Variants in NAALADL2 observed in about 807,000 individuals in gnomAD.
The protein encoded by NAALADL2 is inactive N-acetylated-alpha-linked acidic dipeptidase-like protein 2.
Under a neutral mutation model 87.2 loss-of-function variants are expected in NAALADL2, and 76 were observed. The observed-to-expected ratio is 0.87, with a 90% CI of 0.72 to 1.05. NAALADL2 has a LOEUF of 1.05. NAALADL2 is among the 50% of genes least tolerant of loss of function. NAALADL2 has a pLI of 0.00. For synonymous variants in NAALADL2, 354 were observed against 331.0 expected, an observed-to-expected ratio of 1.07 and a Z score of -0.75; for missense variants, 1,089 against 945.8, an observed-to-expected ratio of 1.15 and a Z score of -1.99.
intron 1 of NAALADL2, among the ~76,000 whole-genome samples, chr3:174,986,188 A>T (rs9862955): frequency 0.094 from 14,085 of 150,300 alleles, 1,539 homozygotes; most frequent in African/African-American, 0.26. Flanking sequence ...TTACATGTAG[A>T]TTACTATTAG....
chr3:174,638,253 CTAGTT>C (rs914205846), intron 2 of NAALADL2, among the ~76,000 whole-genome samples: 4 of 152,084 alleles, frequency 2.6e-5, no homozygotes, highest in Non-Finnish European at 5.9e-5. Flanking sequence ...TATGGAGAAT[CTAGTT>C]TATATAGGCT....
chr3:174,664,870 G>A (rs958752142), intron 2 of NAALADL2, among the ~76,000 whole-genome samples: 1 of 152,200 alleles, frequency 6.6e-6, no homozygotes, highest in Admixed American at 6.5e-5. Context: ...GAAGTTGCTT[G>A]ATAGATCACT....
intron 1 of NAALADL2, among the ~76,000 whole-genome samples, chr3:174,501,090 T>TACTAAGATAGTAGTAGG (rs1718852802): frequency 7.8e-5 from 11 of 141,320 alleles, no homozygotes; most frequent in African/African-American, 3.4e-4. Flanking sequence ...TTTTTTTTTT[T>TACTAAGATAGTAGTAGG]TTTTTTGAGA....
At chr3:175,441,601 C>T (rs1719772587) in intron 5 of NAALADL2, among the ~76,000 whole-genome samples, 1 of 151,782 alleles carries the variant, frequency 6.6e-6, no homozygotes, top group Non-Finnish European at 1.5e-5. Context: ...GCAGATGCTG[C>T]TTGTCTGAGG....
At chr3:174,455,687 G>A (rs4571249) in intron 1 of NAALADL2, among the ~76,000 whole-genome samples, 70,858 of 151,834 alleles carry the variant, frequency 0.47, 18,123 homozygotes, top group East Asian at 0.92. Flanking sequence ...CATGTTAAAA[G>A]CTCTCTATAA....
At chr3:175,275,986 A>G (rs1753535193) in intron 4 of NAALADL2, among the ~76,000 whole-genome samples, 1 of 151,692 alleles carries the variant, frequency 6.6e-6, no homozygotes, top group Admixed American at 6.6e-5. Flanking sequence ...AAATCATTTT[A>G]ATGTTTTTTC....
intron 9 of NAALADL2, among the ~76,000 whole-genome samples, chr3:175,562,148 T>C (rs1716375714): frequency 1.3e-5 from 2 of 152,116 alleles, no homozygotes; most frequent in African/African-American, 2.4e-5. Flanking sequence ...AAATCTGACT[T>C]TTTTGGACTC....
intron 2 of NAALADL2, among the ~76,000 whole-genome samples, chr3:174,576,921 A>G (rs1413706905): frequency 6.6e-6 from 1 of 152,184 alleles, no homozygotes; most frequent in African/African-American, 2.4e-5. Flanking sequence ...TGTATAATGT[A>G]TATTTATAAT....
At chr3:175,529,016 G>A (rs1733768410) in intron 9 of NAALADL2, among the ~76,000 whole-genome samples, 1 of 152,114 alleles carries the variant, frequency 6.6e-6, no homozygotes, top group Admixed American at 6.6e-5. Flanking sequence ...TTTCCTGGTG[G>A]AGTAACCCAA....
intron 10 of NAALADL2, among the ~76,000 whole-genome samples, chr3:175,578,290 GC>G: frequency 6.6e-6 from 1 of 152,210 alleles, no homozygotes; most frequent in Non-Finnish European, 1.5e-5. Context: ...GGCCGTGTTT[GC>G]AGGTGCCTAT....
chr3:175,155,798 G>A (rs527794726), intron 2 of NAALADL2, among the ~76,000 whole-genome samples: 2 of 152,212 alleles, frequency 1.3e-5, no homozygotes, highest in East Asian at 1.9e-4. Flanking sequence ...CATCCAAAGC[G>A]ACTGAATCAG....
intron 5 of NAALADL2, among the ~76,000 whole-genome samples, chr3:175,425,088 G>C (rs1716550734): frequency 6.6e-6 from 1 of 152,116 alleles, no homozygotes; most frequent in Non-Finnish European, 1.5e-5. Flanking sequence ...TTAAGTATGA[G>C]GGAAAGTCAC....
chr3:174,772,963 C>A (rs1166214476), intron 3 of NAALADL2, among the ~76,000 whole-genome samples: 1 of 152,138 alleles, frequency 6.6e-6, no homozygotes, highest in Non-Finnish European at 1.5e-5. Flanking sequence ...TTCTGAATGG[C>A]AGCTAATATA....
chr3:175,786,569 C>G (rs968190677), intron 13 of NAALADL2, among the ~76,000 whole-genome samples: 2 of 152,132 alleles, frequency 1.3e-5, no homozygotes, highest in Non-Finnish European at 2.9e-5. Flanking sequence ...TTAAGCACTT[C>G]TCTGTATTGG....
chr3:174,818,413 A>T (rs886834180), intron 3 of NAALADL2, among the ~76,000 whole-genome samples: 16 of 152,128 alleles, frequency 1.1e-4, no homozygotes, highest in Non-Finnish European at 2.4e-4. Flanking sequence ...CCTAAGAGAA[A>T]CTGTCTTAGG....
intron 5 of NAALADL2, among the ~76,000 whole-genome samples, chr3:175,378,649 T>C (rs16825574): frequency 0.022 from 3,324 of 152,324 alleles, 129 homozygotes; most frequent in African/African-American, 0.077. Flanking sequence ...CCAGCAGTCA[T>C]AGCCTTTTCA....
At chr3:174,870,076 G>T (rs931108237) in intron 1 of NAALADL2, among the ~76,000 whole-genome samples, 7 of 150,866 alleles carry the variant, frequency 4.6e-5, no homozygotes, top group African/African-American at 1.7e-4. Flanking sequence ...TGAGTTTGTG[G>T]GTGTGTGTGT....
At chr3:175,636,214 G>A (rs1159043585) in intron 11 of NAALADL2, among the ~76,000 whole-genome samples, 1 of 151,794 alleles carries the variant, frequency 6.6e-6, no homozygotes, top group Non-Finnish European at 1.5e-5. Flanking sequence ...GTGTGTGTGT[G>A]CGTGTGTGTG....
rs546175819 is a variant in NAALADL2 at position 175,174,276 on chromosome 3, T to C, written c.546-59655T>C. Among the ~76,000 whole-genome samples, 6 of 152,268 alleles carry C rather than the reference T, an allele frequency of 3.9e-5. No homozygotes were observed. In the East Asian group the frequency reaches 1.2e-3, roughly 29 times the overall value. ...CCCTCTTCATTCAACCAGCTCTTGT[T>C]CTCATTACCATATACATTGCCAACT... is the stretch of plus-strand genomic sequence containing the variant. On this transcript the variant is annotated intron_variant, in intron 2 of 13. Coordinates refer to ENST00000454872, the MANE Select transcript of NAALADL2 (RefSeq NM_207015.3).
Sources: gnomAD v4.1 joint callset for allele counts (sites outside exome capture counted in the v4.1 genomes callset) on GRCh38, gnomAD v4.1.1 for gene constraint, MANE v1.5 for transcripts, NCBI Gene and HGNC (gene_info 2026-07-23, HGNC 2026-07-21) for gene names.